Variants in ERI1 observed in about 807,000 individuals in gnomAD.
The protein encoded by ERI1 is 3'-5' exoribonuclease 1.
ERI1 carries 39 observed loss-of-function variants against 39.7 expected under a neutral mutation model. The observed-to-expected ratio is 0.98, with a 90% CI of 0.76 to 1.28. ERI1 has a LOEUF of 1.28. Among genes scored for constraint, ERI1 ranks in the 50% most tolerant of loss-of-function variants. ERI1 has a pLI of 0.00. For synonymous variants in ERI1, 204 were observed against 149.6 expected (o/e 1.36, Z -2.65); for missense variants, 581 against 416.9 (o/e 1.39, Z -3.43).
intron 3 of ERI1, among the ~76,000 whole-genome samples, chr8:9,049,109 TG>T (rs1319318595): frequency 6.6e-6 from 1 of 151,400 alleles, no homozygotes; most frequent in Non-Finnish European, 1.5e-5. Flanking sequence ...GAGGTCGAGG[TG>T]GGCGGATCAC....
At chr8:9,070,066 C>G (rs1483377156) in intron 3 of ERI1, among the ~76,000 whole-genome samples, 1 of 151,960 alleles carries the variant, frequency 6.6e-6, no homozygotes, top group Non-Finnish European at 1.5e-5. Flanking sequence ...TGGTGAAACC[C>G]TGCCTCTACT....
intron 3 of ERI1, among the ~76,000 whole-genome samples, chr8:9,047,896 T>C (rs951758109): frequency 6.6e-6 from 1 of 152,244 alleles, no homozygotes; most frequent in African/African-American, 2.4e-5. Flanking sequence ...CCAGGCACCA[T>C]GCCAGGTGTT....
intron 2 of ERI1, among the ~76,000 whole-genome samples, chr8:9,010,991 T>G (rs1005399700): frequency 1.3e-5 from 2 of 152,176 alleles, no homozygotes; most frequent in African/African-American, 4.8e-5. Flanking sequence ...TTTTCCTTGT[T>G]AAGTAGCCAA....
chr8:9,033,892 G>A (rs1378416014), downstream of ERI1, among the ~76,000 whole-genome samples: 4 of 152,170 alleles, frequency 2.6e-5, no homozygotes, highest in Non-Finnish European at 2.9e-5. Context: ...TTTTCAATGC[G>A]ATTGTACTAA....
chr8:9,004,212 G>A lies in ERI1; in HGVS notation c.108+1041G>A. 6 of 1,277,108 alleles carry A rather than the reference G, an allele frequency of 4.7e-6. 1 individual carries two copies. The highest frequency in any genetic ancestry group is 5.7e-5 in the East Asian group (1 of 17,644). The allele number at this position is 1,277,108 out of a possible 1,614,324, so 79.1% of individuals were successfully genotyped here. ...CCTTCTAAGGTTGTTATTTCAAAGA[G>A]TACTTGCACATCCCTTCTCTTGTAA... On this transcript the variant is annotated intron_variant, in intron 1 of 6. Transcript: ENST00000250263.
Position 9,005,406 on chromosome 8 carries a change from A to C in ERI1, c.108+2235A>C, listed in dbSNP as rs192804021. On this transcript the variant is annotated intron_variant, in intron 1 of 6. Transcript: ENST00000250263. Reference sequence around the variant, plus strand: ...TCCTTTAAAAAAATGCTAAAAATCAAGCTCCGGTACCCTTCCCAATAAGAA... The same window carrying C: ...TCCTTTAAAAAAATGCTAAAAATCACGCTCCGGTACCCTTCCCAATAAGAA... 7.4e-3 allele frequency among the ~76,000 whole-genome samples: 1,122 copies of C among 151,550 alleles called. 14 individuals are homozygous for C. The highest frequency in any genetic ancestry group is 0.026 in the African/African-American group (1,077 of 41,548).
At chr8:9,033,823 G>C (rs1415244396), downstream of ERI1, among the ~76,000 whole-genome samples, 3 of 151,748 alleles carry the variant, frequency 2.0e-5, no homozygotes, top group Non-Finnish European at 4.4e-5. Flanking sequence ...TGATATTCCA[G>C]GAACAGGTAG....
rs1422494308 is a variant in ERI1 at position 9,029,925 on chromosome 8, G to A, written c.941G>A (p.Cys314Tyr). 2 of 1,614,152 alleles carry A rather than the reference G, an allele frequency of 1.2e-6. No individual in the cohort carries two copies. Among genetic ancestry groups the A allele is most frequent in the South Asian group, 1.1e-5 (1 of 91,084 alleles). Residue 314 changes from cysteine (C) to tyrosine (Y), a missense_variant, in exon 7 of 7, where the codon TGT (cysteine) becomes TAT (tyrosine). Physicochemically the swap from Cys to Tyr is radical, Grantham distance 194. Coordinates refer to ENST00000250263, the MANE Select transcript of ERI1 (RefSeq NM_153332.4). ...RIAVRMLQDG[C>Y]ELRINEKMHA... is the part of the protein sequence containing the mutation. ...GCAGTTCGAATGCTTCAGGATGGGT[G>A]TGAACTCCGAATCAACGAGAAAATG...
Position 9,096,321 on chromosome 8 carries a change from C to G in ERI1, n.300-20027C>G, listed in dbSNP as rs538141856. On this transcript the variant is annotated intron_variant and non_coding_transcript_variant, in intron 3 of 3. Transcript: ENST00000518663. ...TGGATTACAAATCCAGCCCCGGCTC[C>G]CAGGATCTTGGAGGCTGGGGAAGAG... Among the ~76,000 whole-genome samples the G allele has an allele frequency of 2.6e-5, 4 of 152,290 alleles. No homozygotes were observed. The South Asian group carries it at 8.3e-4, about 32-fold the overall frequency.
At chr8:9,076,172 G>A (rs112079935) in intron 3 of ERI1, among the ~76,000 whole-genome samples, 22 of 152,100 alleles carry the variant, frequency 1.4e-4, no homozygotes, top group African/African-American at 4.6e-4. Flanking sequence ...TCAAACCCCT[G>A]GGCTCAAGTG....
intron 3 of ERI1, among the ~76,000 whole-genome samples, chr8:9,062,287 A>C (rs1341533300): frequency 6.6e-6 from 1 of 151,976 alleles, no homozygotes. Context: ...TTGTGGGTTA[A>C]GGTGCGGGGA....
At position 9,094,274 on chromosome 8, in the gene ERI1, C is replaced by A. The variant is rs555507258; in HGVS notation, n.300-22074C>A. Among the ~76,000 whole-genome samples the A allele has an allele frequency of 2.6e-5, 4 of 152,302 alleles. No homozygotes were observed. The East Asian group carries it at 5.8e-4, about 22-fold the overall frequency. ...TCGTCGTGGACTCTCAGGACAAATC[C>A]AAGCAACCAGGAGAGTCTCCTCAAG... On this transcript the variant is annotated intron_variant and non_coding_transcript_variant, in intron 3 of 3. Coordinates refer to the ERI1 transcript ENST00000518663.
At chr8:9,017,506 G>T (rs1188761218) in intron 4 of ERI1, among the ~76,000 whole-genome samples, 4 of 152,172 alleles carry the variant, frequency 2.6e-5, no homozygotes, top group African/African-American at 7.2e-5. Context: ...TGTCTGTGCA[G>T]TGGTCACAGT....
At chr8:9,081,529 C>T (rs953162622) in intron 3 of ERI1, among the ~76,000 whole-genome samples, 1 of 152,238 alleles carries the variant, frequency 6.6e-6, no homozygotes, top group African/African-American at 2.4e-5. Flanking sequence ...CTCCGGCCAT[C>T]CTTCCCCTGA....
chr8:9,096,448 A>G (rs577133503), intron 3 of ERI1, among the ~76,000 whole-genome samples: 35 of 152,252 alleles, frequency 2.3e-4, no homozygotes, highest in African/African-American at 7.7e-4. Flanking sequence ...GTACCCCAGA[A>G]GCAATGCTTT....
intron 3 of ERI1, among the ~76,000 whole-genome samples, chr8:9,052,178 G>A (rs1301319750): frequency 6.6e-6 from 1 of 152,202 alleles, no homozygotes; most frequent in Admixed American, 6.5e-5. Flanking sequence ...GAAACTTGGG[G>A]CTTATCCTCT....
intron 6 of ERI1, among the ~76,000 whole-genome samples, chr8:9,023,442 T>C (rs1269712379): frequency 6.6e-6 from 1 of 152,180 alleles, no homozygotes; most frequent in Non-Finnish European, 1.5e-5. Flanking sequence ...CAGTCAGTTA[T>C]GCATAAATCT....
chr8:9,028,140 G>T (rs1797317008), intron 6 of ERI1, among the ~76,000 whole-genome samples: 1 of 152,178 alleles, frequency 6.6e-6, no homozygotes, highest in Non-Finnish European at 1.5e-5. Flanking sequence ...GTAGTTTGAG[G>T]AGACTTGGTT....
intron 3 of ERI1, among the ~76,000 whole-genome samples, chr8:9,069,217 C>T (rs1003879540): frequency 2.0e-5 from 3 of 152,204 alleles, no homozygotes; most frequent in Non-Finnish European, 4.4e-5. Context: ...TGTCAGAATT[C>T]ACAATCCCAT....
Sources: allele counts gnomAD v4.1 joint callset (sites outside exome capture counted in the v4.1 genomes callset), GRCh38; gene constraint gnomAD v4.1.1; transcripts MANE v1.5; gene names NCBI Gene and HGNC (gene_info 2026-07-23, HGNC 2026-07-21).